The following TXLNB variants were observed in gnomAD, a reference collection of about 807,000 sequenced individuals.
TXLNB encodes the protein beta-taxilin.
TXLNB carries 37 observed loss-of-function variants against 57.4 expected under a neutral mutation model. The observed-to-expected ratio is 0.64, with a 90% CI of 0.50 to 0.85. The LOEUF (loss-of-function observed/expected upper bound fraction) is 0.85. Ranked by LOEUF, TXLNB falls within the 40% of genes least tolerant of loss-of-function variation. The pLI, the probability that TXLNB is intolerant of heterozygous loss-of-function variation, is 0.00. For synonymous variants in TXLNB, 302 were observed against 309.6 expected (o/e 0.98, Z 0.26); for missense variants, 848 against 825.6 (o/e 1.03, Z -0.33).
chr6:139,224,267 A>G, the TXLNB span, among the ~76,000 whole-genome samples: 4 of 136,262 alleles, frequency 2.9e-5, no homozygotes, highest in Admixed American at 3.4e-4. Flanking sequence ...AGACACAGGA[A>G]GGGGAACATC....
rs749250538 is a variant in TXLNB at position 139,282,743 on chromosome 6, C to T, written c.424+5733G>A. 1.2e-4 allele frequency among the ~76,000 whole-genome samples: 17 copies of T among 145,586 alleles called. 3 individuals are homozygous for T. The highest frequency in any genetic ancestry group is 2.0e-4 in the Non-Finnish European group (13 of 65,438). ...TGCTCCTTAACCAATATGATGCTTG[C>T]TTCTGTACCACTTTGGTCCTGCGAT... is the stretch of plus-strand genomic sequence containing the variant. On this transcript the variant is annotated intron_variant, in intron 2 of 9. Transcript: ENST00000358430.
chr6:139,206,694 G>T, the TXLNB span, among the ~76,000 whole-genome samples: 1 of 150,694 alleles, frequency 6.6e-6, no homozygotes. Context: ...AAAAGATACA[G>T]AATGGCAGAA....
chr6:139,273,013 G>A (rs113798848), intron 3 of TXLNB, among the ~76,000 whole-genome samples: 6,265 of 151,932 alleles, frequency 0.041, 421 homozygotes, highest in African/African-American at 0.14. Context: ...CAGCCTGGGT[G>A]ACAAGAGCAA....
At chr6:139,226,162 G>T in the TXLNB span, among the ~76,000 whole-genome samples, 1 of 151,860 alleles carries the variant, frequency 6.6e-6, no homozygotes, top group African/African-American at 2.4e-5. Context: ...AGCCAGGCTG[G>T]TGATGCGTGC....
the TXLNB span, among the ~76,000 whole-genome samples, chr6:139,215,809 C>T: frequency 2.4e-4 from 36 of 152,218 alleles, no homozygotes; most frequent in East Asian, 7.7e-4. Flanking sequence ...AAAAAGTGGG[C>T]GAAGGATATG....
At chr6:139,311,757 G>A in the TXLNB span, among the ~76,000 whole-genome samples, 2 of 152,158 alleles carry the variant, frequency 1.3e-5, no homozygotes, top group African/African-American at 4.8e-5. Flanking sequence ...TGGACTGTTT[G>A]TGGCCTGTCT....
intron 4 of TXLNB, among the ~76,000 whole-genome samples, chr6:139,265,275 CACTT>C (rs1211010490): frequency 6.6e-6 from 1 of 152,188 alleles, no homozygotes; most frequent in Non-Finnish European, 1.5e-5. Context: ...CTCCCTGAGA[CACTT>C]ACCCCTCTCT....
At chr6:139,214,585 C>A in the TXLNB span, among the ~76,000 whole-genome samples, 2 of 152,208 alleles carry the variant, frequency 1.3e-5, no homozygotes, top group African/African-American at 4.8e-5. Context: ...GGGATGCCCT[C>A]TCTCACCACT....
At chr6:139,265,286 C>G (rs1256970038) in intron 4 of TXLNB, among the ~76,000 whole-genome samples, 1 of 152,184 alleles carries the variant, frequency 6.6e-6, no homozygotes, top group African/African-American at 2.4e-5. Flanking sequence ...ACTTACCCCT[C>G]TCTTACTAGG....
the TXLNB span, among the ~76,000 whole-genome samples, chr6:139,161,177 T>A: frequency 6.6e-6 from 1 of 152,158 alleles, no homozygotes; most frequent in Admixed American, 6.5e-5. Context: ...ATCCTCTGAC[T>A]ATTCCCGAGG....
At chr6:139,249,256 C>A (rs1314041279) in intron 7 of TXLNB, among the ~76,000 whole-genome samples, 3 of 152,134 alleles carry the variant, frequency 2.0e-5, no homozygotes, top group Non-Finnish European at 4.4e-5. Flanking sequence ...ATAATAAAAT[C>A]TTGTCTTTGA....
chr6:139,167,029 C>T, the TXLNB span: 2 of 1,614,036 alleles, frequency 1.2e-6, no homozygotes, highest in Non-Finnish European at 1.7e-6. Context: ...ACTTCGACAC[C>T]CCCGTGCAGT....
the TXLNB span, among the ~76,000 whole-genome samples, chr6:139,215,887 T>C: frequency 2.0e-5 from 3 of 152,106 alleles, no homozygotes. Flanking sequence ...TCACCATCAC[T>C]GGCCATCAGA....
At chr6:139,235,286 G>A (rs538234767), downstream of TXLNB, among the ~76,000 whole-genome samples, 35 of 152,276 alleles carry the variant, frequency 2.3e-4, 1 homozygote, top group South Asian at 7.3e-3. Context: ...CACATGCAAT[G>A]CCTATACCCC....
the TXLNB span, among the ~76,000 whole-genome samples, chr6:139,163,242 A>G: frequency 1.3e-5 from 2 of 152,118 alleles, no homozygotes; most frequent in African/African-American, 4.8e-5. Flanking sequence ...GCTGCTAGAC[A>G]TCTTACAGGA....
chr6:139,215,310 G>A, the TXLNB span, among the ~76,000 whole-genome samples: 1 of 152,108 alleles, frequency 6.6e-6, no homozygotes, highest in African/African-American at 2.4e-5. Context: ...AGAGCCCTCA[G>A]AAATAATGCC....
At chr6:139,272,647 G>A (rs1776794137) in intron 3 of TXLNB, among the ~76,000 whole-genome samples, 1 of 152,184 alleles carries the variant, frequency 6.6e-6, no homozygotes, top group Non-Finnish European at 1.5e-5. Context: ...GTATAGATGT[G>A]AGCCTTTAAT....
At chr6:139,317,204 T>C in the TXLNB span, among the ~76,000 whole-genome samples, 1 of 152,078 alleles carries the variant, frequency 6.6e-6, no homozygotes, top group South Asian at 2.1e-4. Flanking sequence ...GATCAAGATG[T>C]GTAGCTTCTC....
the TXLNB span, among the ~76,000 whole-genome samples, chr6:139,232,856 CTTAT>C: frequency 6.6e-6 from 1 of 152,088 alleles, no homozygotes; most frequent in African/African-American, 2.4e-5. Flanking sequence ...GAGTTGGTCT[CTTAT>C]TTATTTTTTG....
Sources: gnomAD v4.1 joint callset for allele counts (sites outside exome capture counted in the v4.1 genomes callset) on GRCh38, gnomAD v4.1.1 for gene constraint, MANE v1.5 for transcripts, NCBI Gene and HGNC (gene_info 2026-07-23, HGNC 2026-07-21) for gene names.